Variants in PPFIA2 observed in about 807,000 individuals in gnomAD.
PPFIA2 encodes the protein liprin-alpha-2.
PPFIA2 carries 46 observed loss-of-function variants against 175.5 expected under a neutral mutation model. The observed-to-expected ratio is 0.26, with a 90% confidence interval of 0.21 to 0.34. PPFIA2 has a LOEUF of 0.34. Among genes scored for constraint, PPFIA2 ranks in the 10% least tolerant of loss-of-function variants. The pLI is 1.00. For missense variants in PPFIA2, 1,179 were observed against 1,506.1 expected (o/e 0.78, Z 3.60); for synonymous variants, 568 against 511.4 (o/e 1.11, Z -1.49).
chr12:81,507,808 A>G (rs1422665612), intron 4 of PPFIA2, among the ~76,000 whole-genome samples: 1 of 152,222 alleles, frequency 6.6e-6, no homozygotes, highest in Non-Finnish European at 1.5e-5. Flanking sequence ...AAGAGTAATC[A>G]GTTTTAGATG....
At chr12:81,485,357 T>C (rs1763264936) in intron 4 of PPFIA2, among the ~76,000 whole-genome samples, 1 of 151,730 alleles carries the variant, frequency 6.6e-6, no homozygotes, top group Non-Finnish European at 1.5e-5. Context: ...CTTTATATAA[T>C]TATTCTTACA....
chr12:81,422,774 G>C (rs545430657), intron 7 of PPFIA2, among the ~76,000 whole-genome samples: 1 of 152,002 alleles, frequency 6.6e-6, no homozygotes, highest in African/African-American at 2.4e-5. Context: ...TTTGGGTGGG[G>C]ACACAGCCAA....
chr12:81,655,428 A>T (rs2067639813), intron 4 of PPFIA2, among the ~76,000 whole-genome samples: 1 of 151,536 alleles, frequency 6.6e-6, no homozygotes, highest in Non-Finnish European at 1.5e-5. Context: ...ACATATTTTT[A>T]AAAATATATT....
At chr12:81,475,007 T>C (rs1326311476) in intron 4 of PPFIA2, among the ~76,000 whole-genome samples, 6 of 152,212 alleles carry the variant, frequency 3.9e-5, no homozygotes, top group Non-Finnish European at 1.5e-5. Flanking sequence ...ATTAATGAGA[T>C]TTCTAGGTGA....
chr12:81,523,643 C>T (rs780818458), intron 4 of PPFIA2, among the ~76,000 whole-genome samples: 1 of 152,130 alleles, frequency 6.6e-6, no homozygotes, highest in Non-Finnish European at 1.5e-5. Context: ...CTACCCTTCT[C>T]ATTCCTGGGG....
intron 16 of PPFIA2, among the ~76,000 whole-genome samples, chr12:81,357,083 T>G (rs543460849): frequency 6.6e-6 from 1 of 152,322 alleles, no homozygotes; most frequent in African/African-American, 2.4e-5. Context: ...TAAAATGATT[T>G]CTATGGAAGA....
chr12:81,623,131 A>G (rs2062261929), intron 4 of PPFIA2, among the ~76,000 whole-genome samples: 2 of 152,116 alleles, frequency 1.3e-5, no homozygotes, highest in African/African-American at 4.8e-5. Flanking sequence ...ATAATAATGA[A>G]TCTACAATGA....
chr12:81,438,329 G>C (rs533447189), intron 7 of PPFIA2, among the ~76,000 whole-genome samples: 2 of 152,198 alleles, frequency 1.3e-5, no homozygotes, highest in South Asian at 4.1e-4. Flanking sequence ...TTAGCCAGGG[G>C]TGGTGGCACA....
chr12:81,639,900 C>T (rs2064718912), intron 4 of PPFIA2, among the ~76,000 whole-genome samples: 2 of 152,102 alleles, frequency 1.3e-5, no homozygotes, highest in African/African-American at 4.8e-5. Context: ...AAGCAAAACA[C>T]ATCACCCTAA....
chr12:81,674,034 T>C (rs946023602), intron 4 of PPFIA2, among the ~76,000 whole-genome samples: 3 of 152,056 alleles, frequency 2.0e-5, no homozygotes, highest in African/African-American at 7.2e-5. Flanking sequence ...ATAATGACAT[T>C]TGCAAATTTG....
chr12:81,343,512 G>A (rs577691294), intron 19 of PPFIA2, among the ~76,000 whole-genome samples: 61 of 152,068 alleles, frequency 4.0e-4, no homozygotes, highest in African/African-American at 1.3e-3. Context: ...GAATAATATA[G>A]ATTCCTTTAT....
intron 4 of PPFIA2, among the ~76,000 whole-genome samples, chr12:81,474,052 A>G (rs2057144465): frequency 6.6e-6 from 1 of 152,140 alleles, no homozygotes; most frequent in African/African-American, 2.4e-5. Context: ...TCAAGTAAGA[A>G]CTCCAATCTT....
intron 6 of PPFIA2, among the ~76,000 whole-genome samples, chr12:81,441,273 C>T (rs558582048): frequency 3.0e-4 from 45 of 152,018 alleles, no homozygotes; most frequent in African/African-American, 1.0e-3. Context: ...ATCTAAGTCA[C>T]ATTTTAGTAT....
At chr12:81,477,526 A>G (rs1426986913) in intron 4 of PPFIA2, among the ~76,000 whole-genome samples, 3 of 152,144 alleles carry the variant, frequency 2.0e-5, no homozygotes, top group Non-Finnish European at 4.4e-5. Context: ...TCTGTATGAT[A>G]TTGGCTGTGG....
rs974317595 is a variant in PPFIA2, at chr12:81,674,674, T to A, written c.303+2117A>T. Reference sequence around the variant, plus strand: ...AGAACAAGACTCCGTCTCAAAAAAATTTTTTTTTAATTTTAAAAAGGAGAA... The same window carrying A: ...AGAACAAGACTCCGTCTCAAAAAAAATTTTTTTTAATTTTAAAAAGGAGAA... On this transcript the variant is annotated intron_variant, in intron 4 of 32. Coordinates refer to ENST00000549396, the MANE Select transcript of PPFIA2 (RefSeq NM_003625.5). 1.2e-4 allele frequency among the ~76,000 whole-genome samples: 18 copies of A among 151,484 alleles called. No individual in the cohort carries two copies. In the South Asian group the frequency reaches 1.3e-3, roughly 11 times the overall value.
rs147442055 is a variant in PPFIA2 at position 81,388,375 on chromosome 12, A to C, written c.763-4131T>G. 3.4e-3 allele frequency among the ~76,000 whole-genome samples: 524 copies of C among 152,294 alleles called. 2 individuals are homozygous for C. Among genetic ancestry groups the C allele is most frequent in the African/African-American group, 0.012 (509 of 41,580 alleles). ...GAATCACAAAAACATTAAGCTGAGA[A>C]ATAGAAAGTAGATACAAAAGAGTAC... On this transcript the variant is annotated intron_variant, in intron 8 of 32. Coordinates refer to ENST00000549396, the MANE Select transcript of PPFIA2 (RefSeq NM_003625.5).
chr12:81,757,121 ATGCACATTT>A (rs1415468196), intron 2 of PPFIA2, among the ~76,000 whole-genome samples: 42 of 152,356 alleles, frequency 2.8e-4, no homozygotes, highest in African/African-American at 9.9e-4. Context: ...CATTTCTTAA[ATGCACATTT>A]TGCACATTTT....
At chr12:81,622,413 A>G (rs918931559) in intron 4 of PPFIA2, among the ~76,000 whole-genome samples, 3 of 152,278 alleles carry the variant, frequency 2.0e-5, no homozygotes, top group Non-Finnish European at 2.9e-5. Context: ...GCCTGTGCCC[A>G]GTAACTTTCA....
At chr12:81,578,926 A>G (rs1299419267) in intron 4 of PPFIA2, among the ~76,000 whole-genome samples, 6 of 151,818 alleles carry the variant, frequency 4.0e-5, no homozygotes, top group Non-Finnish European at 8.8e-5. Flanking sequence ...ACACTAATCA[A>G]CATCAATAAT....
Sources: gnomAD v4.1 joint callset for allele counts (sites outside exome capture counted in the v4.1 genomes callset) on GRCh38, gnomAD v4.1.1 for gene constraint, MANE v1.5 for transcripts, NCBI Gene and HGNC (gene_info 2026-07-23, HGNC 2026-07-21) for gene names.